TTC28: variants seen among roughly 807,000 people sequenced by gnomAD.
TTC28 encodes the protein tetratricopeptide repeat protein 28.
TTC28 carries 61 observed loss-of-function variants against 198.0 expected under a neutral mutation model. The observed-to-expected ratio is 0.31, with a 90% CI of 0.25 to 0.38. The LOEUF is 0.38. TTC28 is among the 10% of genes least tolerant of loss of function. The probability of loss-of-function intolerance (pLI) is 1.00; values close to 1 mark genes in which losing one functional copy is unlikely to be tolerated. For missense variants in TTC28, 2,678 were observed against 3,164.0 expected, an observed-to-expected ratio of 0.85 and a Z score of 3.69; for synonymous variants, 1,171 against 1,297.8, an observed-to-expected ratio of 0.90 and a Z score of 2.10.
At chr22:28,152,163 C>A (rs1943623500) in intron 6 of TTC28, among the ~76,000 whole-genome samples, 1 of 152,204 alleles carries the variant, frequency 6.6e-6, no homozygotes, top group African/African-American at 2.4e-5. Context: ...AAGTGCCTAG[C>A]TCAATGCAAG....
intron 5 of TTC28, 106 bp downstream of exon 5, chr22:28,296,092 A>G: frequency 3.3e-6 from 4 of 1,214,598 alleles, no homozygotes; most frequent in Non-Finnish European, 4.5e-6. Flanking sequence ...TTTCTTCTGA[A>G]AGTAATATTT....
chr22:28,338,373 T>G (rs1255907661), intron 2 of TTC28, among the ~76,000 whole-genome samples: 8 of 152,182 alleles, frequency 5.3e-5, no homozygotes, highest in African/African-American at 1.9e-4. Context: ...TTTCCTGAAT[T>G]TGAATATTGG....
At chr22:28,319,933 T>C (rs539025139) in intron 2 of TTC28, among the ~76,000 whole-genome samples, 49 of 152,256 alleles carry the variant, frequency 3.2e-4, no homozygotes, top group African/African-American at 1.1e-3. Context: ...CTGGAAGGAG[T>C]ATATAGATAT....
At chr22:28,087,903 T>C (rs899984091) in intron 12 of TTC28, among the ~76,000 whole-genome samples, 2 of 152,140 alleles carry the variant, frequency 1.3e-5, no homozygotes, top group East Asian at 1.9e-4. Flanking sequence ...GAGTGAACTC[T>C]CATTCACAAT....
At chr22:28,066,710 G>A (rs1251640145) in intron 12 of TTC28, among the ~76,000 whole-genome samples, 5 of 152,088 alleles carry the variant, frequency 3.3e-5, no homozygotes, top group Non-Finnish European at 7.3e-5. Context: ...GGACAACTTG[G>A]GACCATGGGG....
At chr22:28,140,152 C>A (rs1943297717) in intron 6 of TTC28, among the ~76,000 whole-genome samples, 1 of 152,146 alleles carries the variant, frequency 6.6e-6, no homozygotes, top group African/African-American at 2.4e-5. Context: ...TGAGGACAAA[C>A]CGAAGTGATT....
At chr22:28,590,745 G>A (rs907357017) in intron 2 of TTC28, among the ~76,000 whole-genome samples, 5 of 150,890 alleles carry the variant, frequency 3.3e-5, no homozygotes, top group East Asian at 2.0e-4. Flanking sequence ...ACAGTGGCTC[G>A]AGCCTATAAT....
At chr22:28,134,386 A>C (rs1227719444) in intron 6 of TTC28, among the ~76,000 whole-genome samples, 1 of 152,224 alleles carries the variant, frequency 6.6e-6, no homozygotes, top group Non-Finnish European at 1.5e-5. Context: ...TGAGAGAAGA[A>C]GGCGTCAGAC....
intron 2 of TTC28, among the ~76,000 whole-genome samples, chr22:28,321,686 T>C (rs1195709330): frequency 6.6e-6 from 1 of 152,188 alleles, no homozygotes; most frequent in African/African-American, 2.4e-5. Context: ...AGAGTAGCTA[T>C]CCCACAAATG....
At chr22:28,027,792 C>A (rs1004601756) in intron 13 of TTC28, among the ~76,000 whole-genome samples, 5 of 152,258 alleles carry the variant, frequency 3.3e-5, no homozygotes, top group Non-Finnish European at 5.9e-5. Context: ...AGGCCTGGGA[C>A]CCCACAGCAG....
At chr22:28,375,511 G>T (rs575520068) in intron 2 of TTC28, among the ~76,000 whole-genome samples, 1 of 152,296 alleles carries the variant, frequency 6.6e-6, no homozygotes, top group South Asian at 2.1e-4. Context: ...ATTATTTAGA[G>T]TATTAAGATT....
chr22:28,090,003 T>C lies in TTC28; in HGVS notation c.3932+4077A>G, dbSNP rs1005015145. On this transcript the variant is annotated intron_variant, in intron 12 of 22. Transcript: ENST00000397906. ...GGGAGAAGGATAGCATTAGGAGATA[T>C]ACCTAATGCTAAATGACGAGTTAAT... 2.6e-5 allele frequency among the ~76,000 whole-genome samples: 4 copies of C among 151,834 alleles called. 1 individual carries two copies. In the South Asian group the frequency reaches 6.2e-4, roughly 24 times the overall value.
At chr22:28,260,000 T>A (rs779306030) in intron 5 of TTC28, among the ~76,000 whole-genome samples, 1 of 152,142 alleles carries the variant, frequency 6.6e-6, no homozygotes, top group Non-Finnish European at 1.5e-5. Context: ...TATGCATTTA[T>A]CAGGAAAATG....
chr22:28,083,165 G>A (rs909238928), intron 12 of TTC28, among the ~76,000 whole-genome samples: 2 of 151,850 alleles, frequency 1.3e-5, no homozygotes, highest in Non-Finnish European at 2.9e-5. Flanking sequence ...AAAGAGTTAG[G>A]CTTTAGGTGT....
chr22:28,225,383 GAAGAAGAAGAAGAAGAAGA>G (rs1928244184), intron 5 of TTC28, among the ~76,000 whole-genome samples: 1 of 149,972 alleles, frequency 6.7e-6, no homozygotes, highest in Admixed American at 6.7e-5. Flanking sequence ...AGAAGAAGAA[GAAGAAGAAGAAGAAGAAGA>G]AAGAAGAAGA....
At position 27,998,678 on chromosome 22, in the gene TTC28, G is replaced by C; in HGVS notation, c.4981C>G (p.Pro1661Ala). The change falls in exon 16 of 23, where the codon CCA (proline) becomes GCA (alanine). Residue 1661 changes from proline (P) to alanine (A), a missense_variant. Coordinates refer to ENST00000397906, the MANE Select transcript of TTC28 (RefSeq NM_001145418.2). The part of the protein sequence containing the change: ...QCVLVSLWPV[P>A]VAASKMFIHA... ...ATGAACATCTTAGAAGCAGCCACTGGCACAGGCCACAGAGACACGAGGACA... is the reference window on the plus strand; with the variant it reads ...ATGAACATCTTAGAAGCAGCCACTGCCACAGGCCACAGAGACACGAGGACA... The C allele has an allele frequency of 6.4e-7, 1 of 1,550,880 alleles. No individual in the cohort carries two copies.
chr22:28,007,133 G>C (rs1352645833), intron 14 of TTC28: 1 of 152,134 alleles, frequency 6.6e-6, no homozygotes, highest in African/African-American at 2.4e-5. Flanking sequence ...CAGAGGCAAA[G>C]GGCTTCAGGG....
intron 1 of TTC28, among the ~76,000 whole-genome samples, chr22:28,642,213 TAA>T (rs531839324): frequency 9.0e-5 from 9 of 100,540 alleles, no homozygotes; most frequent in African/African-American, 1.4e-4. Context: ...ATTTGATTAA[TAA>T]AAAAAAAAAA....
chr22:28,591,030 CACACACACACATAT>C (rs1178250478), intron 2 of TTC28, among the ~76,000 whole-genome samples: 858 of 67,958 alleles, frequency 0.013, 2 homozygotes, highest in Non-Finnish European at 0.019. Flanking sequence ...CACACACACA[CACACACACACATAT>C]ATATATATAT....
Sources: gnomAD v4.1 joint callset for allele counts (sites outside exome capture counted in the v4.1 genomes callset) on GRCh38, gnomAD v4.1.1 for gene constraint, MANE v1.5 for transcripts, NCBI Gene and HGNC (gene_info 2026-07-23, HGNC 2026-07-21) for gene names.